B3GALT1: variants seen among roughly 807,000 people sequenced by gnomAD.
B3GALT1 encodes the protein UDP-Gal:betaGlcNAc beta 1,3-galactosyltransferase, polypeptide 1.
A neutral mutation model predicts 23.2 loss-of-function variants in B3GALT1; 10 were observed. That is an observed-to-expected ratio of 0.43 (90% CI 0.27 to 0.73). The LOEUF is 0.73. Ranked by LOEUF, B3GALT1 falls within the 30% of genes least tolerant of loss-of-function variation. The pLI is 0.21. For missense variants in B3GALT1, 299 were observed against 405.4 expected, an observed-to-expected ratio of 0.74 and a Z score of 2.25; for synonymous variants, 156 against 141.5, an observed-to-expected ratio of 1.10 and a Z score of -0.73.
intron 1 of B3GALT1, among the ~76,000 whole-genome samples, chr2:167,386,493 A>G (rs931204710): frequency 1.3e-5 from 2 of 152,154 alleles, no homozygotes; most frequent in Non-Finnish European, 2.9e-5. Context: ...CAATGCAGCT[A>G]TCTCCTGTTT....
At chr2:167,828,904 A>G (rs1689285103) in intron 4 of B3GALT1, among the ~76,000 whole-genome samples, 1 of 152,202 alleles carries the variant, frequency 6.6e-6, no homozygotes, top group South Asian at 2.1e-4. Context: ...TAAAATTATC[A>G]TACTCAAATT....
At chr2:167,714,613 G>A in intron 3 of B3GALT1, 2 of 1,613,754 alleles carry the variant, frequency 1.2e-6, no homozygotes, top group Non-Finnish European at 1.7e-6. Flanking sequence ...ATTTTTGTTT[G>A]TTGTGAGCAT....
intron 3 of B3GALT1, among the ~76,000 whole-genome samples, chr2:167,716,227 C>A (rs1186840679): frequency 6.6e-6 from 1 of 152,232 alleles, no homozygotes; most frequent in Non-Finnish European, 1.5e-5. Flanking sequence ...GCGGGCACCC[C>A]CCACAGGCCT....
intron 1 of B3GALT1, among the ~76,000 whole-genome samples, chr2:167,341,756 A>T (rs1218159014): frequency 6.6e-6 from 1 of 152,116 alleles, no homozygotes; most frequent in Non-Finnish European, 1.5e-5. Flanking sequence ...TGACCCTATA[A>T]ATGTCCTTCA....
intron 3 of B3GALT1, among the ~76,000 whole-genome samples, chr2:167,793,415 G>A (rs986198557): frequency 2.6e-5 from 4 of 152,150 alleles, no homozygotes; most frequent in African/African-American, 4.8e-5. Context: ...GGCTGGGTTC[G>A]CCCCGTCCTG....
intron 2 of B3GALT1, among the ~76,000 whole-genome samples, chr2:167,607,859 A>G (rs767006202): frequency 5.3e-5 from 8 of 152,184 alleles, no homozygotes; most frequent in Non-Finnish European, 1.0e-4. Context: ...TTTCCATGTG[A>G]ATGGGGCCTT....
intron 1 of B3GALT1, among the ~76,000 whole-genome samples, chr2:167,450,542 A>G (rs1008263686): frequency 6.6e-6 from 1 of 152,148 alleles, no homozygotes; most frequent in Non-Finnish European, 1.5e-5. Flanking sequence ...TATAGCTTGT[A>G]GTGTTTCTGC....
chr2:167,814,618 C>T (rs537230282), intron 3 of B3GALT1, among the ~76,000 whole-genome samples: 3 of 152,176 alleles, frequency 2.0e-5, no homozygotes, highest in Admixed American at 1.3e-4. Flanking sequence ...ATTAGCCAGG[C>T]TTGGTGGTAC....
At chr2:167,623,168 G>C (rs941756689) in intron 2 of B3GALT1, among the ~76,000 whole-genome samples, 1 of 151,946 alleles carries the variant, frequency 6.6e-6, no homozygotes, top group African/African-American at 2.4e-5. Context: ...TACACTGTTG[G>C]TGGGAGTTGC....
chr2:167,728,358 G>T (rs1687352603), intron 3 of B3GALT1, among the ~76,000 whole-genome samples: 1 of 152,196 alleles, frequency 6.6e-6, no homozygotes, highest in Non-Finnish European at 1.5e-5. Context: ...CTGCACTCCA[G>T]CCTGGGTGAC....
chr2:167,321,999 G>A (rs977977701), intron 1 of B3GALT1, among the ~76,000 whole-genome samples: 6 of 151,920 alleles, frequency 3.9e-5, no homozygotes, highest in Non-Finnish European at 5.9e-5. Context: ...AATTTTGATT[G>A]ACTCCAAAAA....
chr2:167,470,653 A>AC (rs917419119), intron 1 of B3GALT1, among the ~76,000 whole-genome samples: 1 of 152,024 alleles, frequency 6.6e-6, no homozygotes, highest in African/African-American at 2.4e-5. Context: ...AGATTGTCCC[A>AC]CCCCCATAAT....
chr2:167,490,716 T>G (rs1049372587), intron 2 of B3GALT1, among the ~76,000 whole-genome samples: 4 of 152,206 alleles, frequency 2.6e-5, no homozygotes, highest in African/African-American at 7.2e-5. Flanking sequence ...TAAACACTTG[T>G]GTTGGGGAGC....
chr2:167,611,316 A>C (rs1466886650), intron 2 of B3GALT1, among the ~76,000 whole-genome samples: 1 of 152,014 alleles, frequency 6.6e-6, no homozygotes, highest in African/African-American at 2.4e-5. Context: ...GTTCATTTTT[A>C]AATAACTGAG....
At chr2:167,569,167 A>G (rs780239639) in intron 2 of B3GALT1, among the ~76,000 whole-genome samples, 5 of 151,570 alleles carry the variant, frequency 3.3e-5, no homozygotes, top group Non-Finnish European at 5.9e-5. Context: ...CAGTTCTCCA[A>G]CTTTGTTCTT....
chr2:167,865,404 AAAAAC>A (rs1264060985), intron 4 of B3GALT1, among the ~76,000 whole-genome samples: 2 of 152,160 alleles, frequency 1.3e-5, no homozygotes, highest in Non-Finnish European at 2.9e-5. Flanking sequence ...CTCCATCTCA[AAAAAC>A]AAAACAAAAC....
At chr2:167,743,240 G>A (rs913975052) in intron 3 of B3GALT1, among the ~76,000 whole-genome samples, 2 of 151,858 alleles carry the variant, frequency 1.3e-5, no homozygotes, top group Admixed American at 6.6e-5. Context: ...AAAGTTTCTC[G>A]AGTATGTACC....
chr2:167,804,833 T>C (rs1438305999), intron 3 of B3GALT1, among the ~76,000 whole-genome samples: 4 of 152,298 alleles, frequency 2.6e-5, no homozygotes, highest in South Asian at 2.1e-4. Flanking sequence ...ATCCTTTGGG[T>C]ATATACCCAG....
chr2:167,477,255 G>A (rs1490498173), intron 1 of B3GALT1, among the ~76,000 whole-genome samples: 1 of 152,164 alleles, frequency 6.6e-6, no homozygotes, highest in African/African-American at 2.4e-5. Context: ...AGCCACGTTG[G>A]CAAGTAGAGC....
Sources: allele counts gnomAD v4.1 joint callset (sites outside exome capture counted in the v4.1 genomes callset), GRCh38; gene constraint gnomAD v4.1.1; transcripts MANE v1.5; gene names NCBI Gene and HGNC (gene_info 2026-07-23, HGNC 2026-07-21).